Variants in EFCAB3 observed in about 807,000 individuals in gnomAD.
EFCAB3 encodes the protein EF-hand calcium binding domain 3.
In EFCAB3, 36 loss-of-function variants were observed where a neutral mutation model predicts 42.2. The ratio of observed to expected loss-of-function variants is 0.85; its 90% CI spans 0.65 to 1.13. The LOEUF (loss-of-function observed/expected upper bound fraction) is 1.13. Ranked by LOEUF, EFCAB3 falls within the 50% of genes most tolerant of loss-of-function variation. EFCAB3 has a pLI of 0.00. For missense variants in EFCAB3, 418 were observed against 505.1 expected (o/e 0.83, Z 1.65); for synonymous variants, 170 against 172.8 (o/e 0.98, Z 0.13).
intron 3 of EFCAB3, among the ~76,000 whole-genome samples, chr17:62,388,699 A>G (rs1041358464): frequency 3.9e-5 from 6 of 152,336 alleles, no homozygotes; most frequent in Admixed American, 3.3e-4. Flanking sequence ...TGTGTTCTTT[A>G]CAGTGCTTAA....
rs771286833 is a variant in EFCAB3, at chr17:62,413,831, G to A, written c.967G>A (p.Asp323Asn). The A allele has an allele frequency of 9.9e-6, 16 of 1,610,920 alleles. No homozygotes were observed. The highest frequency in any genetic ancestry group is 7.7e-5 in the South Asian group (7 of 90,532). ...GAAAAAGCAGACTTGTACAGTGGCC[G>A]ATGCAACTGCTATTAAACAACATGT... ...LKKKQTCTVA[D>N]ATAIKQHVKR... The change falls in exon 9 of 10, where the codon GAT becomes AAT. Residue 323 changes from aspartate (D) to asparagine (N), a missense_variant. Asp to Asn is a conservative substitution (Grantham distance 23). Coordinates refer to ENST00000305286, the MANE Select transcript of EFCAB3 (RefSeq NM_173503.4).
At chr17:62,415,303 CAAT>C (rs541893070) in intron 9 of EFCAB3, among the ~76,000 whole-genome samples, 1 of 152,118 alleles carries the variant, frequency 6.6e-6, no homozygotes, top group East Asian at 1.9e-4. Flanking sequence ...ATGTCCCTCT[CAAT>C]GATGGCAATT....
In EFCAB3 at chr17:62,388,211, G is replaced by GA. The variant is rs537644251; in HGVS notation, c.151+805dup. ...GGGCGACAAAGCGAGACTACGTCTCGAAAAAAAAAAGCCATGAACTTGCTG... is the reference window on the plus strand; with the variant it reads ...GGGCGACAAAGCGAGACTACGTCTCGAAAAAAAAAAAGCCATGAACTTGCTG... On this transcript the variant is annotated intron_variant, in intron 3 of 9. Transcript: ENST00000305286. 1.2e-3 allele frequency among the ~76,000 whole-genome samples: 181 copies of GA among 144,804 alleles called. 1 individual carries two copies. Among genetic ancestry groups the GA allele is most frequent in the African/African-American group, 3.5e-3 (139 of 39,500 alleles). 95.0% of individuals were successfully genotyped at this position (144,804 alleles called of 152,430 possible).
chr17:62,386,952 C>A (rs546812612), intron 2 of EFCAB3, among the ~76,000 whole-genome samples: 1 of 150,918 alleles, frequency 6.6e-6, no homozygotes, highest in Non-Finnish European at 1.5e-5. Flanking sequence ...CCACACCTGG[C>A]TAATTTTTTT....
chr17:62,383,433 C>T (rs1451947191), intron 2 of EFCAB3, among the ~76,000 whole-genome samples: 3 of 152,080 alleles, frequency 2.0e-5, no homozygotes, highest in African/African-American at 7.2e-5. Context: ...GACATTGTGC[C>T]ACTGCACTCC....
chr17:62,370,364 G>A (rs1281654508), intron 1 of EFCAB3: 3 of 1,547,140 alleles, frequency 1.9e-6, no homozygotes, highest in East Asian at 2.4e-5. Context: ...TCTTAGAAGT[G>A]TATTTTTGGG....
intron 2 of EFCAB3, among the ~76,000 whole-genome samples, chr17:62,387,098 TATA>T (rs1048041668): frequency 2.0e-5 from 3 of 152,114 alleles, no homozygotes; most frequent in Admixed American, 2.0e-4. Flanking sequence ...GGCCTGAAAT[TATA>T]ATTTTTTAAG....
At chr17:62,414,971 G>A (rs1172725665) in intron 9 of EFCAB3, among the ~76,000 whole-genome samples, 1 of 151,970 alleles carries the variant, frequency 6.6e-6, no homozygotes, top group Middle Eastern at 3.2e-3. Flanking sequence ...GGGCATGGTC[G>A]TGGGCGCCTG....
intron 6 of EFCAB3, 107 bp downstream of exon 6, chr17:62,395,295 A>C: frequency 7.1e-7 from 1 of 1,413,466 alleles, no homozygotes; most frequent in Non-Finnish European, 9.6e-7. Flanking sequence ...GTCTGGTCCA[A>C]AACTAAGGAG....
rs1443122853 is a variant in EFCAB3 at position 62,393,625 on chromosome 17, T to G, written c.348T>G (p.Asn116Lys). Residue 116 changes from asparagine (N) to lysine (K), a missense_variant, in exon 5 of 10, where the codon AAT becomes AAG. Coordinates refer to ENST00000305286, the MANE Select transcript of EFCAB3 (RefSeq NM_173503.4). ...SDFIKVLTDKNLFLKAVVPEK... is the reference protein window; with the variant it reads ...SDFIKVLTDKKLFLKAVVPEK... ...TTATCAAGGTTCTAACAGATAAGAA[T>G]CTCTTCCTCAAGGCAGTGGGTGAGT... 1 of 1,613,960 alleles carries G rather than the reference T, an allele frequency of 6.2e-7. No individual in the cohort carries two copies. The highest frequency in any genetic ancestry group is 2.2e-5 in the East Asian group (1 of 44,902).
At chr17:62,414,460 C>G (rs1240853977) in intron 9 of EFCAB3, among the ~76,000 whole-genome samples, 2 of 152,188 alleles carry the variant, frequency 1.3e-5, no homozygotes, top group Non-Finnish European at 2.9e-5. Flanking sequence ...ATGACTATTT[C>G]TACCTCTACG....
intron 6 of EFCAB3, among the ~76,000 whole-genome samples, chr17:62,399,021 C>A (rs888475266): frequency 1.3e-5 from 2 of 152,032 alleles, no homozygotes; most frequent in Non-Finnish European, 2.9e-5. Flanking sequence ...TTGACTGCTG[C>A]TCCCCTGCTC....
At chr17:62,401,742 T>C (rs1241773372) in intron 6 of EFCAB3, among the ~76,000 whole-genome samples, 1 of 152,204 alleles carries the variant, frequency 6.6e-6, no homozygotes, top group Non-Finnish European at 1.5e-5. Context: ...AGCTTTGTTC[T>C]TTTTGCTTAG....
At chr17:62,387,654 G>GGAAAAGAACAAACGC (rs1284094019) in intron 3 of EFCAB3, among the ~76,000 whole-genome samples, 1 of 151,924 alleles carries the variant, frequency 6.6e-6, no homozygotes, top group Non-Finnish European at 1.5e-5. Context: ...TTGTGGGTAT[G>GGAAAAGAACAAACGC]GAAAAGAACA....
intron 3 of EFCAB3, among the ~76,000 whole-genome samples, chr17:62,389,832 T>A (rs2070287424): frequency 6.6e-6 from 1 of 152,098 alleles, no homozygotes; most frequent in Admixed American, 6.5e-5. Context: ...TTATTTATTT[T>A]TTTCTGTGCA....
At chr17:62,402,237 A>C (rs903275442) in intron 6 of EFCAB3, among the ~76,000 whole-genome samples, 1 of 152,214 alleles carries the variant, frequency 6.6e-6, no homozygotes, top group Non-Finnish European at 1.5e-5. Flanking sequence ...ATCTGCAAAC[A>C]GGGACAATTT....
chr17:62,381,844 T>A (rs564619152), intron 1 of EFCAB3: 31 of 433,698 alleles, frequency 7.1e-5, no homozygotes, highest in Non-Finnish European at 1.4e-4. Context: ...GCCCAGGGTA[T>A]TGGCAAGGTT....
chr17:62,383,316 A>C (rs554073036), intron 2 of EFCAB3: 1 of 288,034 alleles, frequency 3.5e-6, no homozygotes, highest in East Asian at 7.4e-5. Flanking sequence ...TCTACTAAAA[A>C]TACAAAAATT....
intron 2 of EFCAB3, among the ~76,000 whole-genome samples, chr17:62,374,692 A>G (rs941919527): frequency 2.0e-5 from 3 of 152,180 alleles, no homozygotes; most frequent in African/African-American, 7.2e-5. Context: ...CCCTCTTCCC[A>G]CACACGTACA....
Sources: gnomAD v4.1 joint callset for allele counts (sites outside exome capture counted in the v4.1 genomes callset) on GRCh38, gnomAD v4.1.1 for gene constraint, MANE v1.5 for transcripts, NCBI Gene and HGNC (gene_info 2026-07-23, HGNC 2026-07-21) for gene names.